The following SYNPO2 variants were observed in gnomAD, a reference collection of about 807,000 sequenced individuals.
SYNPO2 encodes the protein synaptopodin 2.
Under a neutral mutation model 85.0 loss-of-function variants are expected in SYNPO2, and 56 were observed. That is an observed-to-expected ratio of 0.66 (90% confidence interval 0.53 to 0.82). The LOEUF is 0.82. SYNPO2 is among the 40% of genes least tolerant of loss of function. SYNPO2 has a pLI of 0.00. For synonymous variants in SYNPO2, 602 were observed against 591.1 expected, an observed-to-expected ratio of 1.02 and a Z score of -0.27; for missense variants, 1,575 against 1,534.2, an observed-to-expected ratio of 1.03 and a Z score of -0.44.
intron 1 of SYNPO2, among the ~76,000 whole-genome samples, chr4:118,918,260 TA>T (rs548153224): frequency 5.7e-4 from 87 of 152,304 alleles, no homozygotes; most frequent in Non-Finnish European, 1.0e-3. Flanking sequence ...TGAAAAAAGT[TA>T]TTTTATCATT....
intron 4 of SYNPO2, among the ~76,000 whole-genome samples, chr4:119,048,132 G>T (rs200485287): frequency 6.6e-6 from 1 of 152,152 alleles, no homozygotes; most frequent in East Asian, 1.9e-4. Flanking sequence ...CACCTGTTTA[G>T]AAAAATTGGT....
chr4:119,031,196 A>T lies in SYNPO2; in HGVS notation c.2421A>T (p.Lys807Asn). The change falls in exon 4 of 5, where the codon AAA becomes AAT. Residue 807 changes from lysine to asparagine, a missense_variant. Lys to Asn is a moderately conservative substitution (Grantham distance 94). Transcript: ENST00000307142. ...AGGGCACCGTTGTCTCCTCCATCAA[A>T]ATAGCCCAGCCTTCTTACCCTCCTG... ...PSKGTVVSSI[K>N]IAQPSYPPAR... 2.3e-5 allele frequency: 37 copies of T among 1,613,988 alleles called. No individual in the cohort carries two copies. The highest frequency in any genetic ancestry group is 3.1e-5 in the Non-Finnish European group (37 of 1,180,010).
rs565267293 is a variant in SYNPO2, at chr4:119,031,875, C to T, written c.3100C>T (p.Pro1034Ser). The T allele has an allele frequency of 2.5e-5, 41 of 1,614,226 alleles. 1 individual carries two copies. The South Asian group carries it at 4.2e-4, about 16-fold the overall frequency. Residue 1034 changes from proline (P) to serine (S), a missense_variant, in exon 4 of 5, where the codon CCT (proline) becomes TCT (serine). This residue lies in a region of SYNPO2 where 1,508 missense variants were observed against 1,446.8 expected (regional missense o/e 1.04). Transcript: ENST00000307142. ...CTCGGTACCAGCCTATACCTCTCCTCCTTCCTTCTTTGCAGAGGCCTCCTC... is the reference window on the plus strand; with the variant it reads ...CTCGGTACCAGCCTATACCTCTCCTTCTTCCTTCTTTGCAGAGGCCTCCTC... ...VYSVPAYTSP[P>S]SFFAEASSPV...
intron 4 of SYNPO2, among the ~76,000 whole-genome samples, chr4:119,052,402 G>A (rs574027952): frequency 1.3e-5 from 2 of 152,304 alleles, no homozygotes; most frequent in East Asian, 3.9e-4. Flanking sequence ...ATGAATCAAG[G>A]ACTAGAGGTA....
At chr4:118,987,663 A>G (rs905029485) in intron 1 of SYNPO2, among the ~76,000 whole-genome samples, 4 of 151,694 alleles carry the variant, frequency 2.6e-5, no homozygotes, top group African/African-American at 7.3e-5. Context: ...AAAAAAGCCT[A>G]ATGTGAACTC....
At position 119,030,313 on chromosome 4, in the gene SYNPO2, A is replaced by G. The variant is rs1490253019; in HGVS notation, c.1538A>G (p.Lys513Arg). Residue 513 changes from lysine to arginine, a missense_variant, in exon 4 of 5, where the codon AAG becomes AGG. Lys to Arg is a conservative substitution (Grantham distance 26). Around this residue, in one of 3 missense-constraint regions of SYNPO2, gnomAD observed 1,508 missense variants for 1,446.8 expected, o/e 1.04. Coordinates refer to ENST00000307142, the MANE Select transcript of SYNPO2 (RefSeq NM_133477.3). ...DQITAQKEED[K>R]VGGTPSREQD... ...ATCACAGCCCAAAAAGAAGAGGACA[A>G]GGTAGGTGGAACGCCAAGCAGAGAA... 1 of 1,614,102 alleles carries G rather than the reference A, an allele frequency of 6.2e-7. No individual in the cohort carries two copies. Among genetic ancestry groups the G allele is most frequent in the Non-Finnish European group, 8.5e-7 (1 of 1,180,020 alleles).
intron 1 of SYNPO2, among the ~76,000 whole-genome samples, chr4:118,868,425 C>CT (rs1392054395): frequency 6.6e-6 from 1 of 152,004 alleles, no homozygotes; most frequent in Non-Finnish European, 1.5e-5. Context: ...AAAATTTTTA[C>CT]TTTTTTTGAA....
In SYNPO2 at chr4:119,031,566, C is replaced by T; in HGVS notation, c.2791C>T (p.Pro931Ser). The T allele has an allele frequency of 1.9e-6, 3 of 1,614,188 alleles. No homozygotes were observed. The highest frequency in any genetic ancestry group is 1.1e-5 in the South Asian group (1 of 91,082). The part of the protein sequence containing the change: ...PPVAYNPIHS[P>S]SYPLAALKSQ... ...TGTGGCCTATAATCCTATCCACTCGCCGTCTTACCCACTGGCTGCTCTCAA... is the reference window on the plus strand; with the variant it reads ...TGTGGCCTATAATCCTATCCACTCGTCGTCTTACCCACTGGCTGCTCTCAA... Residue 931 changes from proline (P) to serine (S), a missense_variant, in exon 4 of 5, where the codon CCG becomes TCG. This residue lies in a region of SYNPO2 where 1,508 missense variants were observed against 1,446.8 expected (regional missense o/e 1.04). Transcript: ENST00000307142.
At chr4:118,876,662 C>CCTTCCTTCCTTCCTTCCTTCCTTCCTTT (rs1731916008) in intron 1 of SYNPO2, among the ~76,000 whole-genome samples, 2 of 141,638 alleles carry the variant, frequency 1.4e-5, no homozygotes, top group African/African-American at 5.2e-5. Context: ...TTCCTTCCTT[C>CCTTCCTTCCTTCCTTCCTTCCTTCCTTT]CTTTCTCTTT....
chr4:118,926,063 T>G (rs1047855340), intron 1 of SYNPO2, among the ~76,000 whole-genome samples: 2 of 152,148 alleles, frequency 1.3e-5, no homozygotes, highest in Non-Finnish European at 2.9e-5. Flanking sequence ...AGGAGAAATA[T>G]GGTTGCAGGA....
chr4:118,981,533 T>C (rs1159121253), intron 1 of SYNPO2, among the ~76,000 whole-genome samples: 1 of 152,002 alleles, frequency 6.6e-6, no homozygotes, highest in Non-Finnish European at 1.5e-5. Context: ...CATGGAAGAG[T>C]TGAATGTTTT....
chr4:118,861,272 C>G (rs1731605856), intron 1 of SYNPO2, among the ~76,000 whole-genome samples: 1 of 152,184 alleles, frequency 6.6e-6, no homozygotes, highest in East Asian at 1.9e-4. Flanking sequence ...CCTGCCTCAG[C>G]CTCCTGAGTA....
chr4:118,897,213 A>T (rs1405339050), intron 1 of SYNPO2, among the ~76,000 whole-genome samples: 2 of 152,084 alleles, frequency 1.3e-5, no homozygotes, highest in East Asian at 3.9e-4. Flanking sequence ...GGACTGCCAA[A>T]CACTTTCAAA....
chr4:118,881,171 G>A lies in SYNPO2; in HGVS notation c.12+30231G>A, dbSNP rs547514520. On this transcript the variant is annotated intron_variant, in intron 1 of 4. Transcript: ENST00000610556. ...CAAAAAATTAGCCGGGTGTAGTGGC[G>A]GGCGCCTGTAGTTCCAGCTACTCAG... Among the ~76,000 whole-genome samples the A allele has an allele frequency of 5.7e-4, 86 of 151,682 alleles. 1 individual carries two copies. The highest frequency in any genetic ancestry group is 1.9e-3 in the African/African-American group (80 of 41,392).
At chr4:118,930,918 A>C (rs1733910771) in intron 1 of SYNPO2, among the ~76,000 whole-genome samples, 1 of 20,884 alleles carries the variant, frequency 4.8e-5, no homozygotes, top group African/African-American at 1.2e-4. Context: ...ACCTTGCCTC[A>C]AAAAAAAAAA....
In SYNPO2 at chr4:118,996,335, C is replaced by A. The variant is rs188834857; in HGVS notation, c.106-27095C>A. ...GGTTTCCCAAAATGATCAGCCACCC[C>A]CTTCGTCCACCACTTTTGCAATGCT... On this transcript the variant is annotated intron_variant, in intron 1 of 4. Coordinates refer to ENST00000307142, the MANE Select transcript of SYNPO2 (RefSeq NM_133477.3). Among the ~76,000 whole-genome samples, 14 of 152,302 alleles carry A rather than the reference C, an allele frequency of 9.2e-5. No homozygotes were observed. In the East Asian group the frequency reaches 9.6e-4, roughly 10 times the overall value.
At chr4:118,915,992 AT>A (rs1194377136) in intron 1 of SYNPO2, among the ~76,000 whole-genome samples, 4 of 152,228 alleles carry the variant, frequency 2.6e-5, no homozygotes, top group African/African-American at 9.6e-5. Context: ...TCTTTAGAAC[AT>A]TTTTACATTA....
intron 1 of SYNPO2, among the ~76,000 whole-genome samples, chr4:118,902,239 T>G (rs983269833): frequency 1.3e-5 from 2 of 152,212 alleles, no homozygotes; most frequent in Admixed American, 6.5e-5. Context: ...TTCATCCATT[T>G]CGGCTTCTCA....
upstream of SYNPO2, among the ~76,000 whole-genome samples, chr4:118,885,469 CTTT>C (rs200816127): frequency 1.4e-5 from 2 of 140,926 alleles, no homozygotes; most frequent in Non-Finnish European, 3.1e-5. Flanking sequence ...ATCCATAGGT[CTTT>C]TTTTTTTTTT....
Sources: gnomAD v4.1 joint callset for allele counts (sites outside exome capture counted in the v4.1 genomes callset) on GRCh38, gnomAD v4.1.1 for gene constraint, gnomAD v4.1.1 regional missense constraint, MANE v1.5 for transcripts, NCBI Gene and HGNC (gene_info 2026-07-23, HGNC 2026-07-21) for gene names.